The following TCP11L1 variants were observed in gnomAD, a reference collection of about 807,000 sequenced individuals.
TCP11L1 encodes the protein t-complex 11 like 1, also known as T-complex protein 11-like protein 1.
In TCP11L1, 28 loss-of-function variants were observed where a neutral mutation model predicts 48.9. The observed-to-expected ratio is 0.57, with a 90% CI of 0.42 to 0.78. The LOEUF (loss-of-function observed/expected upper bound fraction) is 0.78, where lower values mean the gene tolerates loss of function less well. TCP11L1 is among the 30% of genes least tolerant of loss of function. The pLI, the probability that TCP11L1 is intolerant of heterozygous loss-of-function variation, is 0.00. For synonymous variants in TCP11L1, 204 were observed against 231.9 expected, an observed-to-expected ratio of 0.88 and a Z score of 1.09; for missense variants, 505 against 613.4, an observed-to-expected ratio of 0.82 and a Z score of 1.87.
At chr11:33,063,118 G>T (rs1018304966) in intron 7 of TCP11L1, among the ~76,000 whole-genome samples, 1 of 152,114 alleles carries the variant, frequency 6.6e-6, no homozygotes, top group Non-Finnish European at 1.5e-5. Context: ...TCCCTCCTTG[G>T]CCTCCCAGTG....
Position 33,054,644 on chromosome 11 carries a change from G to A in TCP11L1, c.215G>A (p.Gly72Asp). 1 of 1,613,966 alleles carries A rather than the reference G, an allele frequency of 6.2e-7. No individual in the cohort carries two copies. ...GAAGAACTTCTAGAGACAGCGAGAG[G>A]TGTCACCAACATGGCTCTAGCCCAT... is the stretch of plus-strand genomic sequence containing the variant. ...TVEELLETAR[G>D]VTNMALAHEI... Residue 72 changes from glycine to aspartate, a missense_variant, in exon 3 of 10, where the codon GGT becomes GAT. Coordinates refer to ENST00000334274, the MANE Select transcript of TCP11L1 (RefSeq NM_018393.4).
At chr11:33,070,137 C>T (rs73489458) in intron 9 of TCP11L1, among the ~76,000 whole-genome samples, 1 of 152,086 alleles carries the variant, frequency 6.6e-6, no homozygotes, top group African/African-American at 2.4e-5. Flanking sequence ...AAAAAATTAG[C>T]CAGGTTAGTG....
intron 2 of TCP11L1, among the ~76,000 whole-genome samples, chr11:33,053,788 G>A (rs1320003305): frequency 6.6e-6 from 1 of 152,028 alleles, no homozygotes; most frequent in South Asian, 2.1e-4. Context: ...CAGCACCATC[G>A]GCACCCTAAA....
At chr11:33,053,285 C>T (rs1419899974) in intron 2 of TCP11L1, among the ~76,000 whole-genome samples, 2 of 152,034 alleles carry the variant, frequency 1.3e-5, no homozygotes, top group Admixed American at 6.6e-5. Flanking sequence ...GCTGGGATTA[C>T]AGGCATGCAC....
At chr11:33,048,256 A>G (rs1854057817) in intron 2 of TCP11L1, among the ~76,000 whole-genome samples, 1 of 151,286 alleles carries the variant, frequency 6.6e-6, no homozygotes. Context: ...CAAGTGATTC[A>G]CCCACCTCAA....
At chr11:33,066,786 CTG>C (rs1355769533) in intron 8 of TCP11L1, among the ~76,000 whole-genome samples, 1 of 152,130 alleles carries the variant, frequency 6.6e-6, no homozygotes, top group East Asian at 1.9e-4. Context: ...TATGAAGAAA[CTG>C]GAACCCAGAG....
Position 33,043,917 on chromosome 11 carries a change from A to C in TCP11L1, c.144A>C (p.Gln48His). The change falls in exon 2 of 10, where the codon CAA becomes CAC. Residue 48 changes from glutamine to histidine, a missense_variant. Gln to His is a conservative substitution (Grantham distance 24, BLOSUM62 0). This residue lies in a region of TCP11L1 where 168 missense variants were observed against 183.5 expected (regional missense o/e 0.92). Transcript: ENST00000334274. ...TAAAGTCAGACTCCTCCAGCCCCCA[A>C]AGAGTGCAGAGACCTCACTGTAAGC... ...KAIKSDSSSP[Q>H]RVQRPHSSPP... 6.2e-7 allele frequency: 1 copy of C among 1,611,372 alleles called. No homozygotes were observed. The highest frequency in any genetic ancestry group is 8.5e-7 in the Non-Finnish European group (1 of 1,179,200).
chr11:33,052,816 G>A (rs1317563088), intron 2 of TCP11L1, among the ~76,000 whole-genome samples: 3 of 151,950 alleles, frequency 2.0e-5, no homozygotes, highest in East Asian at 1.9e-4. Context: ...GCAACATGGC[G>A]AAACTTGTCT....
chr11:33,063,698 T>C (rs973524103), intron 7 of TCP11L1, among the ~76,000 whole-genome samples: 1 of 152,188 alleles, frequency 6.6e-6, no homozygotes. Context: ...AGACTCCCCC[T>C]CTCTTTTTGG....
At chr11:33,066,218 A>G (rs1590240904) in intron 8 of TCP11L1, among the ~76,000 whole-genome samples, 2 of 152,294 alleles carry the variant, frequency 1.3e-5, no homozygotes, top group South Asian at 2.1e-4. Flanking sequence ...AATCTGCTGC[A>G]GGGTTAGCAG....
chr11:33,057,506 A>G (rs957662097), intron 4 of TCP11L1, among the ~76,000 whole-genome samples: 2 of 152,246 alleles, frequency 1.3e-5, no homozygotes, highest in Admixed American at 1.3e-4. Context: ...GACACATTCC[A>G]TTTATAATGG....
chr11:33,044,028 A>C (rs1196997816), intron 2 of TCP11L1, 92 bp downstream of exon 2: 3 of 1,296,042 alleles, frequency 2.3e-6, no homozygotes, highest in Admixed American at 5.1e-5. Flanking sequence ...GCCGTGAGCT[A>C]GGTTCTAATA....
rs939922053 is a variant in TCP11L1, at chr11:33,058,853, C to T, written c.639-106C>T. On this transcript the variant is annotated intron_variant, in intron 5 of 9. Transcript: ENST00000334274. The stretch of plus-strand genomic sequence containing the variant: ...TCAAGCAGTCCTCCCGCCTTGGCCT[C>T]CCAAAGTGTTGGGATTACAGGTGTG... The T allele has an allele frequency of 3.0e-6, 4 of 1,317,878 alleles. No individual in the cohort carries two copies. In the African/African-American group the frequency reaches 5.9e-5, roughly 20 times the overall value. 81.6% of individuals were successfully genotyped at this position (1,317,878 alleles called of 1,614,324 possible).
chr11:33,070,489 C>A (rs184739539), intron 9 of TCP11L1, among the ~76,000 whole-genome samples: 33 of 152,052 alleles, frequency 2.2e-4, no homozygotes, highest in African/African-American at 6.8e-4. Context: ...AGTTCGAGAC[C>A]AGGCTGACCA....
chr11:33,059,185 CAA>C, intron 6 of TCP11L1, 90 bp downstream of exon 6: 1 of 1,514,222 alleles, frequency 6.6e-7, no homozygotes, highest in Non-Finnish European at 8.9e-7. Context: ...ATTTTCAGAA[CAA>C]AACTAAAATT....
chr11:33,055,258 T>C (rs2133715429), intron 3 of TCP11L1, among the ~76,000 whole-genome samples: 1 of 152,348 alleles, frequency 6.6e-6, no homozygotes, highest in South Asian at 2.1e-4. Flanking sequence ...CAAGGAAATA[T>C]GCGTGCAAGT....
intron 7 of TCP11L1, 117 bp from the exon 8 acceptor site, chr11:33,065,713 C>T: frequency 8.6e-7 from 1 of 1,157,174 alleles, no homozygotes. Context: ...AGCTCTGACA[C>T]ACTAGCGCAA....
At chr11:33,049,717 C>T (rs991823661) in intron 2 of TCP11L1, among the ~76,000 whole-genome samples, 4 of 152,218 alleles carry the variant, frequency 2.6e-5, no homozygotes, top group African/African-American at 9.6e-5. Context: ...CAGTTTTCTC[C>T]TATCTTAGTA....
In TCP11L1 at chr11:33,073,449, A is replaced by G. The variant is rs1411752483; in HGVS notation, c.*773A>G. 2 of 146,094 alleles carry G rather than the reference A, an allele frequency of 1.4e-5. No homozygotes were observed. The highest frequency in any genetic ancestry group is 4.9e-5 in the African/African-American group (2 of 41,004). The allele number at this position is 146,094 out of a possible 1,614,324, so 9.0% of individuals were successfully genotyped here. ...GCCTTGAAAGTCAAGGAGGAAATGT[A>G]TTGAAAAATAGTTTACTGTAATGTG... On this transcript the variant is annotated 3_prime_UTR_variant, in exon 10 of 10. Transcript: ENST00000334274.
Sources: allele counts gnomAD v4.1 joint callset (sites outside exome capture counted in the v4.1 genomes callset), GRCh38; gene constraint gnomAD v4.1.1; regional missense constraint gnomAD v4.1.1; transcripts MANE v1.5; gene names NCBI Gene and HGNC (gene_info 2026-07-23, HGNC 2026-07-21).